USP25: variants seen among roughly 807,000 people sequenced by gnomAD.
USP25 encodes the protein ubiquitin specific peptidase 25, also known as ubiquitin carboxyl-terminal hydrolase 25.
Under a neutral mutation model 158.5 loss-of-function variants are expected in USP25, and 85 were observed. The observed-to-expected ratio is 0.54, with a 90% CI of 0.45 to 0.64. The LOEUF is 0.64. USP25 is among the 30% of genes least tolerant of loss of function. The pLI is 0.00. For missense variants in USP25, 1,242 were observed against 1,327.3 expected (o/e 0.94, Z 1.00); for synonymous variants, 464 against 460.4 (o/e 1.01, Z -0.10).
At chr21:15,774,778 T>G (rs1568787293) in intron 3 of USP25, among the ~76,000 whole-genome samples, 1 of 152,224 alleles carries the variant, frequency 6.6e-6, no homozygotes, top group Non-Finnish European at 1.5e-5. Flanking sequence ...TGGCTTGGCT[T>G]CTGTTTAAAA....
At chr21:15,838,579 C>T (rs987330988) in intron 17 of USP25, among the ~76,000 whole-genome samples, 1 of 152,132 alleles carries the variant, frequency 6.6e-6, no homozygotes, top group Non-Finnish European at 1.5e-5. Flanking sequence ...CGATTCTATG[C>T]AACCACCTAA....
chr21:15,798,676 A>G (rs917813513), intron 5 of USP25, among the ~76,000 whole-genome samples: 1 of 151,304 alleles, frequency 6.6e-6, no homozygotes, highest in African/African-American at 2.4e-5. Flanking sequence ...TTATGTGCTT[A>G]TATTGTTGAA....
At chr21:15,734,643 C>A (rs1032222551) in intron 1 of USP25, among the ~76,000 whole-genome samples, 23 of 151,938 alleles carry the variant, frequency 1.5e-4, no homozygotes, top group Admixed American at 1.5e-3. Flanking sequence ...ATATTCTGAC[C>A]TCTTTCTTGT....
chr21:15,840,793 A>G (rs1441092198), intron 17 of USP25, among the ~76,000 whole-genome samples: 2 of 152,218 alleles, frequency 1.3e-5, no homozygotes, highest in African/African-American at 4.8e-5. Flanking sequence ...ATGTCAGACC[A>G]GATGGATTTA....
chr21:15,796,895 A>G lies in USP25; in HGVS notation c.556-2862A>G, dbSNP rs186474743. ...GGAAACTGGAATACTTGTCTGCCAT[A>G]ATAATAATTAATATGTTCAAGGAAT... On this transcript the variant is annotated intron_variant, in intron 5 of 25. Coordinates refer to ENST00000400183, the MANE Select transcript of USP25 (RefSeq NM_001283041.3). Among the ~76,000 whole-genome samples, 51 of 151,616 alleles carry G rather than the reference A, an allele frequency of 3.4e-4. 1 individual carries two copies. Among genetic ancestry groups the G allele is most frequent in the Non-Finnish European group, 6.8e-4 (46 of 67,588 alleles).
chr21:15,825,906 A>G (rs2037478578), intron 12 of USP25, among the ~76,000 whole-genome samples: 1 of 152,214 alleles, frequency 6.6e-6, no homozygotes, highest in African/African-American at 2.4e-5. Flanking sequence ...AAATAAAAAC[A>G]GTCTCAGGAG....
At chr21:15,821,946 T>G (rs1458766221) in intron 10 of USP25, among the ~76,000 whole-genome samples, 1 of 151,994 alleles carries the variant, frequency 6.6e-6, no homozygotes, top group African/African-American at 2.4e-5. Context: ...GAAGCACTTG[T>G]GCTGCCAATA....
intron 20 of USP25, among the ~76,000 whole-genome samples, chr21:15,858,172 G>T (rs2039250000): frequency 6.6e-6 from 1 of 152,076 alleles, no homozygotes; most frequent in East Asian, 1.9e-4. Flanking sequence ...CAGGAAGTTT[G>T]GCAAGCCTCA....
chr21:15,842,579 G>A, intron 18 of USP25, 39 bp downstream of exon 18: 1 of 1,606,470 alleles, frequency 6.2e-7, no homozygotes, highest in Non-Finnish European at 8.5e-7. Flanking sequence ...CATAGCCATG[G>A]TCACGACATT....
Position 15,870,103 on chromosome 21 carries a change from A to G in USP25, c.2841A>G (p.Thr947=). The change falls in exon 23 of 26, where the codon ACA becomes ACG. Residue 947 remains threonine, a synonymous_variant. Transcript: ENST00000400183. The part of the protein sequence containing the change: ...WHQDYRKFRE[T]TMYLIIGLEN... ...AGGATTATAGGAAATTCAGGGAAAC[A>G]ACTATGTATCTCATAATTGGGCTAG... The G allele has an allele frequency of 6.2e-7, 1 of 1,610,648 alleles. No homozygotes were observed. Among genetic ancestry groups the G allele is most frequent in the African/African-American group, 1.3e-5 (1 of 74,860 alleles).
At chr21:15,765,449 T>C (rs1229444635) in intron 2 of USP25, among the ~76,000 whole-genome samples, 2 of 152,020 alleles carry the variant, frequency 1.3e-5, no homozygotes, top group African/African-American at 4.8e-5. Flanking sequence ...CTTGACAGTA[T>C]TGAGTATTTC....
chr21:15,755,069 C>G (rs2033286272), intron 1 of USP25, among the ~76,000 whole-genome samples: 2 of 151,648 alleles, frequency 1.3e-5, no homozygotes, highest in African/African-American at 4.8e-5. Flanking sequence ...TTGTCATTGA[C>G]AGGTAACTTT....
At chr21:15,767,807 C>T (rs140550272) in intron 3 of USP25, among the ~76,000 whole-genome samples, 20 of 152,124 alleles carry the variant, frequency 1.3e-4, no homozygotes, top group African/African-American at 4.6e-4. Context: ...TACTTGGTGA[C>T]ATGACATGGT....
chr21:15,789,968 T>A (rs1424309634), intron 4 of USP25, among the ~76,000 whole-genome samples: 2 of 152,178 alleles, frequency 1.3e-5, no homozygotes, highest in East Asian at 3.9e-4. Context: ...TTGTTCAGGT[T>A]ATTATTATTC....
intron 7 of USP25, among the ~76,000 whole-genome samples, chr21:15,808,231 C>T (rs2036487476): frequency 6.6e-6 from 1 of 152,188 alleles, no homozygotes; most frequent in Non-Finnish European, 1.5e-5. Flanking sequence ...ACAACTGCCA[C>T]AACCTATTCC....
chr21:15,830,381 C>G (rs1303385709), intron 14 of USP25, 150 bp from the exon 15 acceptor site: 1 of 542,034 alleles, frequency 1.8e-6, no homozygotes, highest in South Asian at 3.3e-5. Flanking sequence ...AATTCATTTT[C>G]TACAGATTTC....
chr21:15,808,554 G>GTGTGTA (rs2036504465), intron 7 of USP25, among the ~76,000 whole-genome samples: 1 of 150,906 alleles, frequency 6.6e-6, no homozygotes, highest in Non-Finnish European at 1.5e-5. Context: ...GATTGTGTGT[G>GTGTGTA]TGTGTGTGTG....
chr21:15,837,432 G>GT (rs556652454), intron 17 of USP25, among the ~76,000 whole-genome samples: 8 of 151,326 alleles, frequency 5.3e-5, no homozygotes, highest in Non-Finnish European at 1.0e-4. Flanking sequence ...AGTGAGTAGG[G>GT]TTTTTTTTTC....
At chr21:15,864,518 T>A in intron 21 of USP25, 72 bp downstream of exon 21, 1 of 1,366,930 alleles carries the variant, frequency 7.3e-7, no homozygotes, top group Non-Finnish European at 9.8e-7. Flanking sequence ...CCAGGATAAT[T>A]TTTTGAGTAT....
Sources: gnomAD v4.1 joint callset for allele counts (sites outside exome capture counted in the v4.1 genomes callset) on GRCh38, gnomAD v4.1.1 for gene constraint, MANE v1.5 for transcripts, NCBI Gene and HGNC (gene_info 2026-07-23, HGNC 2026-07-21) for gene names.